Variants in DMGDH observed in about 807,000 individuals in gnomAD.
DMGDH encodes dimethylglycine dehydrogenase, mitochondrial.
A neutral mutation model predicts 95.2 loss-of-function variants in DMGDH; 76 were observed. The observed-to-expected ratio is 0.80, with a 90% confidence interval of 0.66 to 0.97. The LOEUF is 0.97. Among genes scored for constraint, DMGDH ranks in the 50% least tolerant of loss-of-function variants. DMGDH has a pLI of 0.00. For missense variants in DMGDH, 987 were observed against 1,055.0 expected (o/e 0.94, Z 0.89); for synonymous variants, 345 against 377.6 (o/e 0.91, Z 1.00).
chr5:79,054,198 G>C lies in DMGDH; in HGVS notation c.526C>G (p.Leu176Val). 1 of 1,613,976 alleles carries C rather than the reference G, an allele frequency of 6.2e-7. No homozygotes were observed. Among genetic ancestry groups the C allele is most frequent in the Non-Finnish European group, 8.5e-7 (1 of 1,179,966 alleles). Residue 176 changes from leucine to valine, a missense_variant, in exon 4 of 16, where the codon CTC (leucine) becomes GTC (valine). Leu to Val is a conservative substitution (Grantham distance 32). Transcript: ENST00000255189. ...PEKIQEMFPL[L>V]NMNKVLAGLY... Reference sequence around the variant, plus strand: ...AAGATAAATACCTTATTCATGTTGAGTAAAGGGAACATCTCTTGAATTTTT... The same window carrying C: ...AAGATAAATACCTTATTCATGTTGACTAAAGGGAACATCTCTTGAATTTTT...
At chr5:79,053,455 G>A (rs1281482112) in intron 4 of DMGDH, among the ~76,000 whole-genome samples, 1 of 152,176 alleles carries the variant, frequency 6.6e-6, no homozygotes, top group Non-Finnish European at 1.5e-5. Context: ...AGTGAGCCAT[G>A]GCATCCAGCC....
intron 2 of DMGDH, among the ~76,000 whole-genome samples, chr5:79,060,931 A>T (rs2112672896): frequency 6.8e-6 from 1 of 146,666 alleles, no homozygotes; most frequent in South Asian, 2.2e-4. Flanking sequence ...AAAAAAAAAA[A>T]ATCAATGCGG....
chr5:79,035,744 G>GT (rs1268073465), intron 7 of DMGDH, among the ~76,000 whole-genome samples: 1 of 151,850 alleles, frequency 6.6e-6, no homozygotes, highest in African/African-American at 2.4e-5. Context: ...TGGTGGGCGG[G>GT]GGGGGAATCC....
intron 1 of DMGDH, among the ~76,000 whole-genome samples, chr5:79,068,133 G>A (rs1260000280): frequency 6.6e-6 from 1 of 152,094 alleles, no homozygotes; most frequent in Non-Finnish European, 1.5e-5. Flanking sequence ...GATCAGGCTG[G>A]TCTCAAACTC....
intron 7 of DMGDH, among the ~76,000 whole-genome samples, chr5:79,042,063 C>T (rs780403725): frequency 1.7e-4 from 26 of 152,222 alleles, no homozygotes; most frequent in East Asian, 3.9e-4. Context: ...GAAATAGTTG[C>T]CCTTCTTTAA....
At chr5:79,026,368 T>G (rs1754000417) in intron 13 of DMGDH, 56 bp downstream of exon 13, 1 of 1,608,904 alleles carries the variant, frequency 6.2e-7, no homozygotes, top group Non-Finnish European at 8.5e-7. Context: ...CCAGCCCTTA[T>G]ATAAAAATGA....
chr5:79,056,716 A>G (rs1755039657), intron 2 of DMGDH, among the ~76,000 whole-genome samples: 1 of 149,960 alleles, frequency 6.7e-6, no homozygotes, highest in Non-Finnish European at 1.5e-5. Flanking sequence ...TTAGCCAGGC[A>G]TGGTGGTGCA....
intron 14 of DMGDH, among the ~76,000 whole-genome samples, chr5:79,022,036 T>C (rs752898234): frequency 1.3e-5 from 2 of 152,208 alleles, no homozygotes; most frequent in African/African-American, 2.4e-5. Context: ...TTTCTTCACA[T>C]TATGGCTTAA....
At chr5:79,017,766 T>A (rs1010025846) in intron 14 of DMGDH, among the ~76,000 whole-genome samples, 1 of 152,210 alleles carries the variant, frequency 6.6e-6, no homozygotes, top group Non-Finnish European at 1.5e-5. Context: ...TCCACTTATA[T>A]GTGCATTTTT....
intron 4 of DMGDH, among the ~76,000 whole-genome samples, chr5:79,053,006 A>C (rs748845740): frequency 2.4e-4 from 37 of 152,224 alleles, no homozygotes; most frequent in Non-Finnish European, 4.9e-4. Context: ...GTATAATGCA[A>C]GGGAGTCAGA....
At chr5:79,002,217 T>G (rs1298485824) in intron 15 of DMGDH, among the ~76,000 whole-genome samples, 1 of 152,214 alleles carries the variant, frequency 6.6e-6, no homozygotes, top group African/African-American at 2.4e-5. Flanking sequence ...ACTGTCCCCG[T>G]GTGTTTTAGT....
chr5:79,041,860 C>T (rs938471050), intron 7 of DMGDH, among the ~76,000 whole-genome samples: 2 of 152,116 alleles, frequency 1.3e-5, no homozygotes, highest in South Asian at 2.1e-4. Flanking sequence ...AATTAGCCGG[C>T]GTGATGCCGG....
chr5:79,031,425 G>A (rs1205839776), intron 9 of DMGDH, among the ~76,000 whole-genome samples: 1 of 152,182 alleles, frequency 6.6e-6, no homozygotes, highest in African/African-American at 2.4e-5. Flanking sequence ...CTGGTCCAGT[G>A]CTTCTCAAAC....
chr5:79,021,230 C>T (rs1228889384), intron 14 of DMGDH: 1 of 1,009,976 alleles, frequency 9.9e-7, no homozygotes. Flanking sequence ...GAGAGCCCTC[C>T]ACTTGCGGAA....
chr5:79,035,733 G>C (rs1298937364), intron 7 of DMGDH, among the ~76,000 whole-genome samples: 1 of 126,184 alleles, frequency 7.9e-6, no homozygotes, highest in Non-Finnish European at 1.7e-5. Flanking sequence ...TTGGGTGGGA[G>C]TGGTGGGCGG....
At chr5:79,033,729 G>A (rs181655590) in intron 7 of DMGDH, among the ~76,000 whole-genome samples, 8 of 152,246 alleles carry the variant, frequency 5.3e-5, no homozygotes, top group African/African-American at 1.7e-4. Context: ...CCAGGAGTTC[G>A]AGAACGGCCT....
intron 4 of DMGDH, among the ~76,000 whole-genome samples, chr5:79,053,040 C>G (rs1754913734): frequency 6.6e-6 from 1 of 152,212 alleles, no homozygotes; most frequent in African/African-American, 2.4e-5. Flanking sequence ...AATCTCTACT[C>G]CAGCTCTTTC....
chr5:79,002,362 C>T (rs141132742), intron 15 of DMGDH, among the ~76,000 whole-genome samples: 77 of 152,262 alleles, frequency 5.1e-4, no homozygotes, highest in African/African-American at 1.7e-3. Flanking sequence ...TTCTCATGAC[C>T]ATCTTTATGC....
chr5:79,054,105 T>G, intron 4 of DMGDH, 79 bp downstream of exon 4: 1 of 1,533,086 alleles, frequency 6.5e-7, no homozygotes, highest in South Asian at 1.2e-5. Context: ...AAGTTTTCTG[T>G]TTTTAGTTAA....
Sources: gnomAD v4.1 joint callset for allele counts (sites outside exome capture counted in the v4.1 genomes callset) on GRCh38, gnomAD v4.1.1 for gene constraint, MANE v1.5 for transcripts, NCBI Gene and HGNC (gene_info 2026-07-23, HGNC 2026-07-21) for gene names.